DHX35: variants seen among roughly 807,000 people sequenced by gnomAD.
DHX35 encodes DEAH-box helicase 35.
In DHX35, 84 loss-of-function variants were observed where a neutral mutation model predicts 99.6. That is an observed-to-expected ratio of 0.84 (90% CI 0.71 to 1.01). The LOEUF (loss-of-function observed/expected upper bound fraction) is 1.01, where lower values mean the gene tolerates loss of function less well. DHX35 is among the 50% of genes least tolerant of loss of function. The probability of loss-of-function intolerance (pLI) is 0.00; values close to 1 mark genes in which losing one functional copy is unlikely to be tolerated. For synonymous variants in DHX35, 331 were observed against 316.2 expected (o/e 1.05, Z -0.50); for missense variants, 852 against 888.5 (o/e 0.96, Z 0.52).
Position 39,010,354 on chromosome 20 carries a change from C to A in DHX35, c.1297C>A (p.Gln433Lys). 1 of 1,614,158 alleles carries A rather than the reference C, an allele frequency of 6.2e-7. No homozygotes were observed. The highest frequency in any genetic ancestry group is 8.5e-7 in the Non-Finnish European group (1 of 1,180,018). ...TAGTAATTTGGCACCTGTCATCCTG[C>A]AGCTGAAAGCACTAGGAATTGACAA... ...QRSNLAPVIL[Q>K]LKALGIDNVL... Residue 433 changes from glutamine (Q) to lysine (K), a missense_variant, in exon 13 of 22, where the codon CAG (glutamine) becomes AAG (lysine). Coordinates refer to ENST00000252011, the MANE Select transcript of DHX35 (RefSeq NM_021931.4).
chr20:39,034,588 CT>C (rs1243130287), intron 21 of DHX35, among the ~76,000 whole-genome samples: 1 of 141,490 alleles, frequency 7.1e-6, no homozygotes, highest in South Asian at 2.2e-4. Flanking sequence ...CTCTTCCAAA[CT>C]ATTTTTTTTT....
chr20:38,984,482 C>A (rs990334198), intron 4 of DHX35, among the ~76,000 whole-genome samples: 11 of 151,804 alleles, frequency 7.2e-5, no homozygotes, highest in Admixed American at 3.3e-4. Context: ...TTGAATTTAA[C>A]AAAATAGGAA....
At chr20:38,981,579 G>C (rs1056354097) in intron 3 of DHX35, among the ~76,000 whole-genome samples, 19 of 152,166 alleles carry the variant, frequency 1.2e-4, no homozygotes, top group African/African-American at 4.1e-4. Flanking sequence ...ACTACAAGAT[G>C]TTTCAGGCTT....
chr20:39,012,981 G>A (rs1460637700), intron 13 of DHX35, among the ~76,000 whole-genome samples: 3 of 152,096 alleles, frequency 2.0e-5, no homozygotes, highest in Admixed American at 2.0e-4. Flanking sequence ...AGAAATGTCT[G>A]CTATTTCTTC....
intron 8 of DHX35, among the ~76,000 whole-genome samples, chr20:38,998,626 T>G (rs975040792): frequency 6.6e-6 from 1 of 152,238 alleles, no homozygotes; most frequent in African/African-American, 2.4e-5. Context: ...CAAATTCTTC[T>G]TTTCTGGGTG....
At chr20:38,963,169 A>G (rs1188474255) in intron 1 of DHX35, among the ~76,000 whole-genome samples, 1 of 152,180 alleles carries the variant, frequency 6.6e-6, no homozygotes, top group Non-Finnish European at 1.5e-5. Flanking sequence ...TCAGGTTTTT[A>G]CTGAATGTGC....
chr20:39,001,786 T>C lies in DHX35; in HGVS notation c.699T>C (p.Cys233=), dbSNP rs544597173. The change falls in exon 9 of 22, where the codon TGT becomes TGC. Residue 233 remains cysteine, a synonymous_variant. Transcript: ENST00000252011. The stretch of plus-strand genomic sequence containing the variant: ...CCAGTGATCCAGCAAGGGATACATG[T>C]GTGATCCTTACAGTGGAAGGGAGAA... ...NETSDPARDT[C]VILTVEGRTF... The C allele has an allele frequency of 1.2e-6, 2 of 1,613,938 alleles. No individual in the cohort carries two copies. The highest frequency in any genetic ancestry group is 1.7e-5 in the Admixed American group (1 of 60,002).
At chr20:38,990,464 C>T (rs1379029871) in intron 5 of DHX35, among the ~76,000 whole-genome samples, 1 of 152,188 alleles carries the variant, frequency 6.6e-6, no homozygotes, top group Admixed American at 6.5e-5. Context: ...TTCTTAAACA[C>T]TACTCTGTCC....
At position 39,014,941 on chromosome 20, in the gene DHX35, C is replaced by T; in HGVS notation, c.1402+7C>T. Reference sequence around the variant, plus strand: ...TTACTGTATGCTCTGGGAGGTATGCCAGTTTCTCTCATCATTCTCTCTTAT... The same window carrying T: ...TTACTGTATGCTCTGGGAGGTATGCTAGTTTCTCTCATCATTCTCTCTTAT... On this transcript the variant is annotated splice_region_variant and intron_variant, in intron 14 of 21. Transcript: ENST00000252011. 6.2e-7 allele frequency: 1 copy of T among 1,614,026 alleles called. No homozygotes were observed.
At chr20:39,018,963 A>G (rs2086831170) in intron 15 of DHX35, 64 bp downstream of exon 15, 2 of 1,472,192 alleles carry the variant, frequency 1.4e-6, no homozygotes, top group African/African-American at 1.4e-5. Flanking sequence ...GTTTGCCTGA[A>G]TTCTGAGCAC....
rs35259351 is a variant in DHX35, at chr20:38,994,631, ACC to A, written c.583-179_583-178del. Among the ~76,000 whole-genome samples, 737 of 74,400 alleles carry A rather than the reference ACC, an allele frequency of 9.9e-3. 17 individuals carry two copies. The highest frequency in any genetic ancestry group is 0.026 in the African/African-American group (594 of 22,908). 48.8% of individuals were successfully genotyped at this position (74,400 alleles called of 152,430 possible). ...CAAAATTGGAAGTAATAGTGTAATG[ACC>A]CCCCCCCCCCTTTATTGACAATTAT... On this transcript the variant is annotated intron_variant, in intron 7 of 21. Transcript: ENST00000252011.
At position 39,001,445 on chromosome 20, in the gene DHX35, A is replaced by G. The variant is rs141718140; in HGVS notation, c.643-285A>G. 8.0e-3 allele frequency among the ~76,000 whole-genome samples: 1,214 copies of G among 152,336 alleles called. 10 individuals carry two copies. Among genetic ancestry groups the G allele is most frequent in the Admixed American group, 0.017 (262 of 15,306 alleles). On this transcript the variant is annotated intron_variant, in intron 8 of 21. Coordinates refer to ENST00000252011, the MANE Select transcript of DHX35 (RefSeq NM_021931.4). ...GAATAATATAAATAATACTAAAGCT[A>G]CATGTTAACTCAGATGCTATGCTGA...
chr20:39,038,420 C>A lies in DHX35; in HGVS notation c.2068-79C>A, dbSNP rs971553612. 2.1e-6 allele frequency: 3 copies of A among 1,455,082 alleles called. No individual in the cohort carries two copies. In the South Asian group the frequency reaches 3.4e-5, roughly 17 times the overall value. 90.1% of individuals were successfully genotyped at this position (1,455,082 alleles called of 1,614,324 possible). ...GACCAGATGGAAGATTTGATGTGGT[C>A]ATTCATATGGGGATTATGTTGCAGT... On this transcript the variant is annotated intron_variant, in intron 21 of 21. Transcript: ENST00000252011.
intron 8 of DHX35, among the ~76,000 whole-genome samples, chr20:39,000,672 C>G (rs2086503967): frequency 6.6e-6 from 1 of 152,166 alleles, no homozygotes; most frequent in South Asian, 2.1e-4. Flanking sequence ...CATTCGTTAG[C>G]ACAGCTCCTG....
chr20:39,028,937 G>C (rs1164835319), intron 19 of DHX35, among the ~76,000 whole-genome samples: 1 of 152,174 alleles, frequency 6.6e-6, no homozygotes, highest in African/African-American at 2.4e-5. Flanking sequence ...GTAGCCAGGT[G>C]TTTCTCATGT....
chr20:38,975,340 G>GA (rs1399985673), intron 3 of DHX35, among the ~76,000 whole-genome samples: 1 of 152,186 alleles, frequency 6.6e-6, no homozygotes, highest in Non-Finnish European at 1.5e-5. Flanking sequence ...CTTACAGGAA[G>GA]AAACAGGAGA....
intron 18 of DHX35, among the ~76,000 whole-genome samples, chr20:39,027,373 A>T (rs538420604): frequency 4.1e-4 from 63 of 152,362 alleles, no homozygotes; most frequent in Non-Finnish European, 1.6e-4. Context: ...TAAAGATTAA[A>T]AACTTTATTA....
chr20:39,002,652 A>G, intron 9 of DHX35, 120 bp from the exon 10 acceptor site: 7 of 703,790 alleles, frequency 9.9e-6, no homozygotes, highest in Non-Finnish European at 1.5e-5. Flanking sequence ...TCCTGTACTA[A>G]TTACCTACTG....
intron 8 of DHX35, among the ~76,000 whole-genome samples, chr20:38,998,827 A>C (rs2086471022): frequency 6.6e-6 from 1 of 151,930 alleles, no homozygotes; most frequent in Admixed American, 6.6e-5. Context: ...ACAGAGTTTC[A>C]CTCTTGTTGC....
Sources: gnomAD v4.1 joint callset for allele counts (sites outside exome capture counted in the v4.1 genomes callset) on GRCh38, gnomAD v4.1.1 for gene constraint, MANE v1.5 for transcripts, NCBI Gene and HGNC (gene_info 2026-07-23, HGNC 2026-07-21) for gene names.